The following KLF12 variants were observed in gnomAD, a reference collection of about 807,000 sequenced individuals.
KLF12 encodes Krueppel-like factor 12.
Under a neutral mutation model 37.8 loss-of-function variants are expected in KLF12, and 9 were observed. The ratio of observed to expected loss-of-function variants is 0.24; its 90% confidence interval spans 0.14 to 0.42. The LOEUF (loss-of-function observed/expected upper bound fraction) is 0.42. Among genes scored for constraint, KLF12 ranks in the 10% least tolerant of loss-of-function variants. The pLI, the probability that KLF12 is intolerant of heterozygous loss-of-function variation, is 1.00. For missense variants in KLF12, 411 were observed against 516.0 expected (o/e 0.80, Z 1.97); for synonymous variants, 208 against 202.1 (o/e 1.03, Z -0.25).
At chr13:73,981,470 A>G (rs149285951) in intron 2 of KLF12, among the ~76,000 whole-genome samples, 54 of 152,378 alleles carry the variant, frequency 3.5e-4, no homozygotes, top group African/African-American at 1.3e-3. Context: ...ATGTGAATGA[A>G]TATCAAAAAC....
At chr13:74,304,263 T>C in the KLF12 span, among the ~76,000 whole-genome samples, 1 of 152,144 alleles carries the variant, frequency 6.6e-6, no homozygotes, top group African/African-American at 2.4e-5. Context: ...TCCATACTGT[T>C]TTTCTTTTTG....
chr13:74,292,591 T>C, the KLF12 span, among the ~76,000 whole-genome samples: 1 of 152,130 alleles, frequency 6.6e-6, no homozygotes, highest in East Asian at 1.9e-4. Flanking sequence ...ATACTAACCT[T>C]CTTGCAACTT....
At chr13:73,718,304 A>G (rs1875967231) in intron 6 of KLF12, among the ~76,000 whole-genome samples, 1 of 152,250 alleles carries the variant, frequency 6.6e-6, no homozygotes, top group African/African-American at 2.4e-5. Context: ...GTAATCGGGC[A>G]ACACAGCCCA....
the KLF12 span, among the ~76,000 whole-genome samples, chr13:74,231,006 C>T: frequency 6.6e-6 from 1 of 151,106 alleles, no homozygotes; most frequent in Non-Finnish European, 1.5e-5. Context: ...AGTACTTTCG[C>T]TACTACCACC....
At chr13:73,764,794 C>A in intron 6 of KLF12, 144 bp downstream of exon 6, 1 of 533,324 alleles carries the variant, frequency 1.9e-6, no homozygotes, top group Admixed American at 2.9e-5. Flanking sequence ...TTCGAACTGT[C>A]CAGAGGAAAG....
intron 1 of KLF12, among the ~76,000 whole-genome samples, chr13:74,061,980 T>G (rs1391377661): frequency 1.3e-5 from 2 of 152,026 alleles, no homozygotes; most frequent in Non-Finnish European, 2.9e-5. Flanking sequence ...TTTGGTGGGG[T>G]TTTTTTGCAC....
intron 4 of KLF12, among the ~76,000 whole-genome samples, chr13:73,841,243 A>G (rs1884719405): frequency 6.6e-6 from 1 of 152,166 alleles, no homozygotes; most frequent in South Asian, 2.1e-4. Flanking sequence ...CTCTTCCATC[A>G]AGGCAATAAT....
intron 4 of KLF12, among the ~76,000 whole-genome samples, chr13:73,822,138 G>T (rs922815902): frequency 6.6e-6 from 1 of 152,288 alleles, no homozygotes; most frequent in Non-Finnish European, 1.5e-5. Flanking sequence ...ATATAATGAT[G>T]CAAGTGTCTA....
intron 5 of KLF12, among the ~76,000 whole-genome samples, chr13:73,783,019 C>T (rs571667764): frequency 6.6e-6 from 1 of 152,308 alleles, no homozygotes; most frequent in Non-Finnish European, 1.5e-5. Flanking sequence ...CATCCGGCTA[C>T]ACACAGGCCT....
intron 2 of KLF12, among the ~76,000 whole-genome samples, chr13:73,983,409 T>C (rs1264255528): frequency 6.6e-6 from 1 of 152,216 alleles, no homozygotes; most frequent in Non-Finnish European, 1.5e-5. Flanking sequence ...CAGTGCCTTC[T>C]GGTTCGTGAA....
At chr13:73,972,872 A>G (rs1008537114) in intron 2 of KLF12, among the ~76,000 whole-genome samples, 1 of 151,606 alleles carries the variant, frequency 6.6e-6, no homozygotes, top group Admixed American at 6.6e-5. Context: ...AAATACAATA[A>G]AGAACACGTT....
the KLF12 span, among the ~76,000 whole-genome samples, chr13:74,250,661 G>A: frequency 5.3e-5 from 8 of 151,856 alleles, no homozygotes; most frequent in African/African-American, 1.2e-4. Flanking sequence ...TCATTATATC[G>A]AACACGCCAA....
intron 3 of KLF12, among the ~76,000 whole-genome samples, chr13:73,871,862 CTCTTA>C (rs67896545): frequency 0.34 from 51,399 of 151,658 alleles, 9,695 homozygotes; most frequent in East Asian, 0.78. Flanking sequence ...GCAGATATCT[CTCTTA>C]TAAGACGGCG....
chr13:74,118,784 T>C (rs1537999), intron 1 of KLF12, among the ~76,000 whole-genome samples: 3,824 of 152,158 alleles, frequency 0.025, 124 homozygotes, highest in Admixed American at 0.092. Flanking sequence ...TCTGTTAAGA[T>C]AGGAAGCTGC....
At chr13:74,182,299 C>G in the KLF12 span, among the ~76,000 whole-genome samples, 1 of 152,120 alleles carries the variant, frequency 6.6e-6, no homozygotes, top group Non-Finnish European at 1.5e-5. Context: ...TGACAAAGAG[C>G]CTGTTTTAGA....
At chr13:73,876,873 G>C (rs941715577) in intron 3 of KLF12, among the ~76,000 whole-genome samples, 7 of 152,124 alleles carry the variant, frequency 4.6e-5, no homozygotes, top group Middle Eastern at 6.8e-3. Flanking sequence ...AAATTAGCCA[G>C]GCATGGTGGC....
rs201412542 is a variant in KLF12, at chr13:73,926,624, C to CTT, written c.123+17356_123+17357insAA. On this transcript the variant is annotated intron_variant, in intron 3 of 7. Transcript: ENST00000377669. ...TATTTCTTCAATGCTCCTTTTCTCT[C>CTT]TCTCTCTTTTTTTTTTTTTTAACAT... 1.0e-3 allele frequency among the ~76,000 whole-genome samples: 111 copies of CTT among 108,022 alleles called. 1 individual carries two copies. The highest frequency in any genetic ancestry group is 3.1e-3 in the African/African-American group (109 of 35,710). The allele number at this position is 108,022 out of a possible 152,430, so 70.9% of individuals were successfully genotyped here. A position where few individuals can be genotyped will look rare whatever the true frequency, so the allele number is the denominator to read the frequency against.
the KLF12 span, among the ~76,000 whole-genome samples, chr13:74,236,034 C>A: frequency 2.2e-3 from 330 of 148,118 alleles, 2 homozygotes; most frequent in African/African-American, 7.2e-3. Flanking sequence ...CATGCTGGTG[C>A]GCTGCACCCA....
chr13:73,820,314 A>G (rs183692905), intron 4 of KLF12, among the ~76,000 whole-genome samples: 1 of 152,286 alleles, frequency 6.6e-6, no homozygotes, highest in African/African-American at 2.4e-5. Flanking sequence ...ATCAAGGTCT[A>G]TGTGGCACGT....
Sources: gnomAD v4.1 joint callset for allele counts (sites outside exome capture counted in the v4.1 genomes callset) on GRCh38, gnomAD v4.1.1 for gene constraint, MANE v1.5 for transcripts, NCBI Gene and HGNC (gene_info 2026-07-23, HGNC 2026-07-21) for gene names.